RNLS: variants seen among roughly 807,000 people sequenced by gnomAD.
RNLS encodes the protein renalase.
A neutral mutation model predicts 39.8 loss-of-function variants in RNLS; 39 were observed. That is an observed-to-expected ratio of 0.98 (90% confidence interval 0.76 to 1.28). RNLS has a LOEUF of 1.28. Among genes scored for constraint, RNLS ranks in the 50% most tolerant of loss-of-function variants. The pLI is 0.00. For missense variants in RNLS, 410 were observed against 413.3 expected (o/e 0.99, Z 0.07); for synonymous variants, 147 against 150.7 (o/e 0.98, Z 0.18).
At chr10:88,394,018 C>G (rs1166790378) in intron 4 of RNLS, among the ~76,000 whole-genome samples, 1 of 152,144 alleles carries the variant, frequency 6.6e-6, no homozygotes, top group Non-Finnish European at 1.5e-5. Flanking sequence ...GGATCCCTTC[C>G]TTACACCTTA....
chr10:88,562,613 T>C (rs1035259379), intron 4 of RNLS, among the ~76,000 whole-genome samples: 2 of 152,012 alleles, frequency 1.3e-5, no homozygotes, highest in Admixed American at 6.6e-5. Flanking sequence ...GGGCATTCTA[T>C]GAATAGACTG....
Position 88,329,156 on chromosome 10 carries a change from C to A in RNLS, c.701-14515G>T, listed in dbSNP as rs145665080. On this transcript the variant is annotated intron_variant, in intron 5 of 6. Coordinates refer to ENST00000331772, the MANE Select transcript of RNLS (RefSeq NM_001031709.3). ...AATCATAGCTCACTACAGCCTTGAA[C>A]TCTCAGACTCAAGCAATCCTCCTGC... Among the ~76,000 whole-genome samples, 1,092 of 151,420 alleles carry A rather than the reference C, an allele frequency of 7.2e-3. 13 individuals carry two copies. The highest frequency in any genetic ancestry group is 0.025 in the African/African-American group (1,032 of 41,294).
the RNLS span, among the ~76,000 whole-genome samples, chr10:88,227,404 T>G: frequency 5.3e-4 from 81 of 152,328 alleles, no homozygotes; most frequent in Non-Finnish European, 1.2e-4. Flanking sequence ...CCTCTGATTC[T>G]CCAGCAGCTT....
chr10:88,250,153 C>G, the RNLS span, among the ~76,000 whole-genome samples: 1 of 152,192 alleles, frequency 6.6e-6, no homozygotes, highest in Non-Finnish European at 1.5e-5. Context: ...AAACTGTGTT[C>G]TAATCACTTT....
intron 4 of RNLS, among the ~76,000 whole-genome samples, chr10:88,439,613 T>C (rs910851078): frequency 6.6e-6 from 1 of 152,158 alleles, no homozygotes; most frequent in African/African-American, 2.4e-5. Context: ...CTTGAGACAT[T>C]TGTAGAATCA....
intron 4 of RNLS, among the ~76,000 whole-genome samples, chr10:88,484,519 T>C (rs934020301): frequency 1.3e-4 from 19 of 151,982 alleles, no homozygotes; most frequent in Admixed American, 1.0e-3. Context: ...TAAAAGTTTT[T>C]AATAACAAGG....
intron 4 of RNLS, among the ~76,000 whole-genome samples, chr10:88,563,728 T>C (rs1398720908): frequency 6.6e-6 from 1 of 152,156 alleles, no homozygotes; most frequent in African/African-American, 2.4e-5. Flanking sequence ...AAAGCAGTTA[T>C]TGAGTATCCC....
intron 4 of RNLS, among the ~76,000 whole-genome samples, chr10:88,384,444 A>C (rs1485581173): frequency 1.3e-5 from 2 of 152,230 alleles, no homozygotes; most frequent in African/African-American, 4.8e-5. Flanking sequence ...GTAATTCCTC[A>C]AAGCCACACA....
intron 5 of RNLS, among the ~76,000 whole-genome samples, chr10:88,331,478 G>A (rs1274079515): frequency 6.6e-6 from 1 of 152,218 alleles, no homozygotes; most frequent in Non-Finnish European, 1.5e-5. Flanking sequence ...ATGAGACACA[G>A]TATTAAGGTC....
the RNLS span, among the ~76,000 whole-genome samples, chr10:88,191,828 T>A: frequency 3.3e-5 from 5 of 152,130 alleles, no homozygotes; most frequent in Non-Finnish European, 7.4e-5. Flanking sequence ...TTGGGTCCAG[T>A]TTCCTCACTT....
In RNLS at chr10:88,369,812, T is replaced by C. The variant is rs1209607655; in HGVS notation, c.527-7087A>G. Among the ~76,000 whole-genome samples the C allele has an allele frequency of 2.6e-5, 4 of 152,260 alleles. No homozygotes were observed. In the East Asian group the frequency reaches 7.7e-4, roughly 29 times the overall value. ...CTCCTGCCTCATCCTCCCAAGTAAC[T>C]GGGATTACAGGCACATGCCACACAC... On this transcript the variant is annotated intron_variant, in intron 4 of 6. Transcript: ENST00000331772.
Position 88,362,755 on chromosome 10 carries a change from C to T in RNLS, c.527-30G>A, listed in dbSNP as rs3740279. 0.17 allele frequency: 275,094 copies of T among 1,597,588 alleles called. 25,307 individuals are homozygous for T. Among genetic ancestry groups the T allele is most frequent in the East Asian group, 0.3 (13,277 of 44,620 alleles). On this transcript the variant is annotated intron_variant, in intron 4 of 6. Coordinates refer to ENST00000331772, the MANE Select transcript of RNLS (RefSeq NM_001031709.3). Reference sequence around the variant, plus strand: ...GGAAGAAAAAATAAAAGGCATCAAACTTAAAAATACCATCTTTCCTTTTAG... The same window carrying T: ...GGAAGAAAAAATAAAAGGCATCAAATTTAAAAATACCATCTTTCCTTTTAG...
At chr10:88,433,540 G>A (rs997209894) in intron 4 of RNLS, among the ~76,000 whole-genome samples, 1 of 151,828 alleles carries the variant, frequency 6.6e-6, no homozygotes, top group East Asian at 1.9e-4. Context: ...GTTAAAAGAG[G>A]CAATTTTACT....
At chr10:88,384,203 T>C (rs903708931) in intron 4 of RNLS, among the ~76,000 whole-genome samples, 1 of 152,200 alleles carries the variant, frequency 6.6e-6, no homozygotes, top group Admixed American at 6.5e-5. Context: ...TATTCTCTTA[T>C]GTCCTTTATT....
At chr10:88,469,934 T>G (rs538664383) in intron 4 of RNLS, among the ~76,000 whole-genome samples, 1 of 151,800 alleles carries the variant, frequency 6.6e-6, no homozygotes, top group South Asian at 2.1e-4. Flanking sequence ...ATACAAAGTA[T>G]ATGTATATAG....
chr10:88,406,802 C>T (rs952430963), intron 4 of RNLS, among the ~76,000 whole-genome samples: 7 of 152,152 alleles, frequency 4.6e-5, no homozygotes, highest in African/African-American at 1.7e-4. Context: ...ATGAAACCAA[C>T]CCAAATCCCC....
At chr10:88,407,601 T>C (rs769702103) in intron 4 of RNLS, among the ~76,000 whole-genome samples, 2 of 152,050 alleles carry the variant, frequency 1.3e-5, no homozygotes, top group Non-Finnish European at 2.9e-5. Context: ...ACTCCTTCGG[T>C]AGGTCAAGAA....
intron 4 of RNLS, among the ~76,000 whole-genome samples, chr10:88,510,528 T>A (rs1017638320): frequency 1.4e-4 from 22 of 152,102 alleles, no homozygotes; most frequent in African/African-American, 5.3e-4. Flanking sequence ...ATAAATAGGA[T>A]ATATGTATAT....
At chr10:88,320,327 T>C (rs990429418) in intron 5 of RNLS, among the ~76,000 whole-genome samples, 1 of 151,808 alleles carries the variant, frequency 6.6e-6, no homozygotes, top group Non-Finnish European at 1.5e-5. Context: ...GAACAATGCT[T>C]GCTACCATAA....
Sources: gnomAD v4.1 joint callset for allele counts (sites outside exome capture counted in the v4.1 genomes callset) on GRCh38, gnomAD v4.1.1 for gene constraint, MANE v1.5 for transcripts, NCBI Gene and HGNC (gene_info 2026-07-23, HGNC 2026-07-21) for gene names.